Variants in EFCAB6 observed in about 807,000 individuals in gnomAD.
The protein encoded by EFCAB6 is EF-hand calcium-binding domain-containing protein 6.
A neutral mutation model predicts 169.8 loss-of-function variants in EFCAB6; 156 were observed. That is an observed-to-expected ratio of 0.92 (90% confidence interval 0.81 to 1.05). The LOEUF (loss-of-function observed/expected upper bound fraction) is 1.05. Among genes scored for constraint, EFCAB6 ranks in the 50% least tolerant of loss-of-function variants. The pLI is 0.00. For missense variants in EFCAB6, 1,800 were observed against 1,829.1 expected, an observed-to-expected ratio of 0.98 and a Z score of 0.29; for synonymous variants, 698 against 676.4, an observed-to-expected ratio of 1.03 and a Z score of -0.50.
At chr22:43,652,984 T>C (rs896986880) in intron 17 of EFCAB6, among the ~76,000 whole-genome samples, 5 of 151,860 alleles carry the variant, frequency 3.3e-5, no homozygotes, top group Non-Finnish European at 5.9e-5. Flanking sequence ...TAACCACAGA[T>C]TGAAAAATGC....
intron 6 of EFCAB6, among the ~76,000 whole-genome samples, chr22:43,743,877 T>A (rs1569463027): frequency 6.6e-6 from 1 of 151,560 alleles, no homozygotes; most frequent in Non-Finnish European, 1.5e-5. Flanking sequence ...GATGGATGGA[T>A]GGGTGGGTGA....
chr22:43,623,825 C>T (rs1281234845), intron 20 of EFCAB6, among the ~76,000 whole-genome samples: 9 of 146,358 alleles, frequency 6.1e-5, no homozygotes, highest in Non-Finnish European at 1.3e-4. Flanking sequence ...AGGAGAATGG[C>T]GTGAACCTGG....
intron 27 of EFCAB6, among the ~76,000 whole-genome samples, chr22:43,550,400 G>A (rs989576125): frequency 4.6e-5 from 7 of 152,220 alleles, no homozygotes; most frequent in Non-Finnish European, 8.8e-5. Flanking sequence ...GGCCGGGCGC[G>A]GTGGCTCATG....
At position 43,795,907 on chromosome 22, in the gene EFCAB6, C is replaced by T. The variant is rs1279438142; in HGVS notation, c.-8+13088G>A. 6.6e-6 allele frequency among the ~76,000 whole-genome samples: 1 copy of T among 150,678 alleles called. No homozygotes were observed. Among genetic ancestry groups the T allele is most frequent in the Non-Finnish European group, 1.5e-5 (1 of 67,750 alleles). On this transcript the variant is annotated intron_variant, in intron 2 of 31. Transcript: ENST00000262726. The surrounding 1 kb of genome is among the most constrained non-coding windows in gnomAD (Gnocchi z 4.2). ...ACACAATACACACTCACCACACATA[C>T]ACCACACACACACACACCCCTTCAT...
chr22:43,588,754 G>C (rs978950652), intron 24 of EFCAB6, among the ~76,000 whole-genome samples: 1 of 152,146 alleles, frequency 6.6e-6, no homozygotes, highest in African/African-American at 2.4e-5. Context: ...GGATTGGAAA[G>C]AGATTAAATT....
intron 3 of EFCAB6, among the ~76,000 whole-genome samples, chr22:43,774,369 A>C (rs966144930): frequency 6.6e-6 from 1 of 151,230 alleles, no homozygotes; most frequent in Admixed American, 6.6e-5. Flanking sequence ...GGCACCCCAC[A>C]GTGACGCTGC....
chr22:43,763,952 G>T (rs1274447196), intron 5 of EFCAB6, among the ~76,000 whole-genome samples: 2 of 151,586 alleles, frequency 1.3e-5, no homozygotes, highest in African/African-American at 4.9e-5. Context: ...TTGTAGAGAT[G>T]AGATCTCACT....
At chr22:43,715,160 C>T (rs530208301) in intron 9 of EFCAB6, among the ~76,000 whole-genome samples, 1 of 152,264 alleles carries the variant, frequency 6.6e-6, no homozygotes, top group Non-Finnish European at 1.5e-5. Context: ...CTTTTCTCGC[C>T]TTAGAGTCCC....
At chr22:43,589,318 A>T (rs1446920296) in intron 24 of EFCAB6, among the ~76,000 whole-genome samples, 1 of 69,774 alleles carries the variant, frequency 1.4e-5, no homozygotes, top group African/African-American at 4.1e-5. Context: ...AAAAAAAAAA[A>T]AAAGAAGTAC....
intron 8 of EFCAB6, among the ~76,000 whole-genome samples, chr22:43,725,662 A>G (rs1385708654): frequency 1.3e-5 from 2 of 152,216 alleles, no homozygotes; most frequent in Non-Finnish European, 2.9e-5. Flanking sequence ...CTTTAGGGCT[A>G]AAGTTTTGAA....
chr22:43,708,218 C>T (rs1169285997), intron 10 of EFCAB6, among the ~76,000 whole-genome samples: 5 of 151,896 alleles, frequency 3.3e-5, no homozygotes, highest in Non-Finnish European at 1.5e-5. Flanking sequence ...ACCAGCCTGG[C>T]CAACATGGCG....
chr22:43,752,125 T>TC (rs1345121061), intron 6 of EFCAB6, among the ~76,000 whole-genome samples: 2 of 149,468 alleles, frequency 1.3e-5, no homozygotes, highest in East Asian at 3.9e-4. Flanking sequence ...CATTTTTTTT[T>TC]TTTTTTTTTT....
At chr22:43,670,209 C>T (rs1381451421) in intron 15 of EFCAB6, among the ~76,000 whole-genome samples, 1 of 152,138 alleles carries the variant, frequency 6.6e-6, no homozygotes, top group East Asian at 1.9e-4. Context: ...GAAAGCACAG[C>T]AAGTACACTT....
rs563076690 is a variant in EFCAB6, at chr22:43,550,211, C to T, written c.3648+4658G>A. Among the ~76,000 whole-genome samples the T allele has an allele frequency of 7.9e-5, 12 of 152,102 alleles. No individual in the cohort carries two copies. The South Asian group carries it at 1.7e-3, about 21-fold the overall frequency. On this transcript the variant is annotated intron_variant, in intron 27 of 31. Coordinates refer to ENST00000262726, the MANE Select transcript of EFCAB6 (RefSeq NM_022785.4). ...GGGGTACTGTGCATCCCCACTTCAC[C>T]GAGGGAGACACAAGCTCAGAGAGGC...
At position 43,672,235 on chromosome 22, in the gene EFCAB6, G is replaced by A. The variant is rs765227256; in HGVS notation, c.1479+11C>T. The A allele has an allele frequency of 3.1e-6, 5 of 1,614,024 alleles. No individual in the cohort carries two copies. In the South Asian group the frequency reaches 3.3e-5, roughly 11 times the overall value. The stretch of plus-strand genomic sequence containing the variant: ...GAAGGCATCCACACAAAGAAGGCAA[G>A]TGTTACTTACTGAATCCCAGGCCAG... On this transcript the variant is annotated intron_variant, in intron 14 of 31. Coordinates refer to ENST00000262726, the MANE Select transcript of EFCAB6 (RefSeq NM_022785.4).
At chr22:43,633,622 G>T (rs2055146298) in intron 18 of EFCAB6, among the ~76,000 whole-genome samples, 1 of 152,160 alleles carries the variant, frequency 6.6e-6, no homozygotes, top group Non-Finnish European at 1.5e-5. Flanking sequence ...ATTAGGCTGG[G>T]GTCATCTGAG....
At position 43,672,016 on chromosome 22, in the gene EFCAB6, T is replaced by C. The variant is rs2057514158; in HGVS notation, c.1597A>G (p.Met533Val). Residue 533 changes from methionine (M) to valine (V), a missense_variant, in exon 15 of 32, where the codon ATG (methionine) becomes GTG (valine). Physicochemically the swap from Met to Val is conservative, Grantham distance 21. Transcript: ENST00000262726. ...GTTAAAAATGGACAGAAGACGTGCATGATTTTCTTGAAATTATTTCGGCCA... is the reference window on the plus strand; with the variant it reads ...GTTAAAAATGGACAGAAGACGTGCACGATTTTCTTGAAATTATTTCGGCCA... ...RIGRNNFKKI[M>V]HVFCPFLTNA... 6.2e-7 allele frequency: 1 copy of C among 1,614,176 alleles called. No homozygotes were observed.
chr22:43,646,639 G>A (rs534522441), intron 17 of EFCAB6, among the ~76,000 whole-genome samples: 2 of 152,204 alleles, frequency 1.3e-5, no homozygotes, highest in African/African-American at 2.4e-5. Context: ...ATCTTACATC[G>A]AGTATAAAAA....
Position 43,773,117 on chromosome 22 carries a change from A to G in EFCAB6, c.140-14T>C. On this transcript the variant is annotated splice_polypyrimidine_tract_variant and intron_variant, in intron 3 of 31. Transcript: ENST00000262726. ...CAACAGCTGTGGCTATAAAAGAGATACAGCTATTTATTAAACATGTTTAAA... is the reference window on the plus strand; with the variant it reads ...CAACAGCTGTGGCTATAAAAGAGATGCAGCTATTTATTAAACATGTTTAAA... 1 of 1,613,120 alleles carries G rather than the reference A, an allele frequency of 6.2e-7. No homozygotes were observed. The highest frequency in any genetic ancestry group is 8.5e-7 in the Non-Finnish European group (1 of 1,179,252).
Sources: allele counts gnomAD v4.1 joint callset (sites outside exome capture counted in the v4.1 genomes callset), GRCh38; gene constraint gnomAD v4.1.1; non-coding constraint Gnocchi (gnomAD v3.1); transcripts MANE v1.5; gene names NCBI Gene and HGNC (gene_info 2026-07-23, HGNC 2026-07-21).